Variants in ADGRL4 observed in about 807,000 individuals in gnomAD.
The protein encoded by ADGRL4 is adhesion G protein-coupled receptor L4, also known as EGF, latrophilin and seven transmembrane domain containing 1.
In ADGRL4, 90 loss-of-function variants were observed where a neutral mutation model predicts 74.8. That is an observed-to-expected ratio of 1.20 (90% CI 1.02 to 1.43). ADGRL4 has a LOEUF of 1.43. ADGRL4 is among the 40% of genes most tolerant of loss of function. ADGRL4 has a pLI of 0.00. For missense variants in ADGRL4, 881 were observed against 814.3 expected (o/e 1.08, Z -1.00); for synonymous variants, 311 against 279.2 (o/e 1.11, Z -1.14).
Position 79,005,115 on chromosome 1 carries a change from A to G in ADGRL4, c.127T>C (p.Tyr43His). 6.2e-7 allele frequency: 1 copy of G among 1,612,938 alleles called. No individual in the cohort carries two copies. Among genetic ancestry groups the G allele is most frequent in the Non-Finnish European group, 8.5e-7 (1 of 1,179,612 alleles). ...TTTCCTGAAAATCCCATGTTGCAAT[A>G]GCAGGCTTCAATTCCATTGCGTATT... is the stretch of plus-strand genomic sequence containing the variant. ...CEIRNGIEAC[Y>H]CNMGFSGNGV... Residue 43 changes from tyrosine to histidine, a missense_variant, in exon 2 of 15, where the codon TAT (tyrosine) becomes CAT (histidine). Tyr to His is a moderately conservative substitution (Grantham distance 83). Coordinates refer to ENST00000370742, the MANE Select transcript of ADGRL4 (RefSeq NM_022159.4).
intron 2 of ADGRL4, among the ~76,000 whole-genome samples, chr1:78,965,476 A>C (rs1272956302): frequency 6.6e-6 from 1 of 152,194 alleles, no homozygotes; most frequent in Non-Finnish European, 1.5e-5. Flanking sequence ...TAATTTAAAA[A>C]AAGAAAAAAT....
intron 2 of ADGRL4, among the ~76,000 whole-genome samples, chr1:78,946,657 C>T (rs1222498754): frequency 2.0e-5 from 3 of 152,034 alleles, no homozygotes; most frequent in Admixed American, 6.6e-5. Context: ...TTTAAAAGCA[C>T]TAGATATAAC....
At chr1:78,977,099 A>C (rs1650301380) in intron 2 of ADGRL4, among the ~76,000 whole-genome samples, 1 of 151,718 alleles carries the variant, frequency 6.6e-6, no homozygotes, top group Non-Finnish European at 1.5e-5. Context: ...GTGTTAGCAT[A>C]AAAGTTAAAT....
Position 78,917,795 on chromosome 1 carries a change from G to A in ADGRL4, c.1682+35C>T, listed in dbSNP as rs186460970. ...AGAAATGCAAAGCACATTCAAAATC[G>A]TATTTCAAATGCTCATGAAATCATT... On this transcript the variant is annotated intron_variant, in intron 11 of 14. Coordinates refer to ENST00000370742, the MANE Select transcript of ADGRL4 (RefSeq NM_022159.4). The A allele has an allele frequency of 5.0e-4, 798 of 1,594,308 alleles. 4 individuals carry two copies. In the African/African-American group the frequency reaches 8.4e-3, roughly 17 times the overall value.
chr1:78,997,231 A>G (rs142688077), intron 2 of ADGRL4, among the ~76,000 whole-genome samples: 2,400 of 152,272 alleles, frequency 0.016, 63 homozygotes, highest in African/African-American at 0.055. Flanking sequence ...GAGGTGATAC[A>G]CTCAAGAATA....
At chr1:78,892,515 C>T (rs1648302544) in intron 13 of ADGRL4, among the ~76,000 whole-genome samples, 1 of 152,052 alleles carries the variant, frequency 6.6e-6, no homozygotes, top group Admixed American at 6.6e-5. Flanking sequence ...AAAACCAGTA[C>T]ACTACATGAA....
chr1:79,001,630 A>G (rs1333911664), intron 2 of ADGRL4, among the ~76,000 whole-genome samples: 1 of 152,152 alleles, frequency 6.6e-6, no homozygotes, highest in African/African-American at 2.4e-5. Flanking sequence ...CTCAGTGAAT[A>G]AATAGACTAA....
intron 2 of ADGRL4, among the ~76,000 whole-genome samples, chr1:78,992,543 A>G (rs1650626599): frequency 6.6e-6 from 1 of 152,088 alleles, no homozygotes; most frequent in Non-Finnish European, 1.5e-5. Context: ...CCTATAGTCC[A>G]ACAGCCATGA....
At chr1:78,901,573 G>T (rs1210113424) in intron 12 of ADGRL4, among the ~76,000 whole-genome samples, 1 of 152,150 alleles carries the variant, frequency 6.6e-6, no homozygotes, top group Non-Finnish European at 1.5e-5. Context: ...AGAAGCAGTG[G>T]ATTGAGCCAG....
intron 2 of ADGRL4, among the ~76,000 whole-genome samples, chr1:78,952,253 C>CT (rs1649744939): frequency 1.3e-5 from 2 of 148,960 alleles, no homozygotes; most frequent in South Asian, 4.3e-4. Context: ...AACTTGAACA[C>CT]TAAAATGACT....
At chr1:78,970,876 G>T (rs1333740541) in intron 2 of ADGRL4, among the ~76,000 whole-genome samples, 1 of 152,150 alleles carries the variant, frequency 6.6e-6, no homozygotes, top group Admixed American at 6.5e-5. Context: ...GTTTAGGATT[G>T]GGCTCAGGGG....
chr1:78,914,971 G>T (rs966710015), intron 12 of ADGRL4, among the ~76,000 whole-genome samples: 9 of 151,978 alleles, frequency 5.9e-5, no homozygotes, highest in African/African-American at 2.2e-4. Context: ...TTTACTTGGT[G>T]ATCACAGTAT....
chr1:79,002,480 C>CA (rs1441212605), intron 2 of ADGRL4, among the ~76,000 whole-genome samples: 1 of 151,964 alleles, frequency 6.6e-6, no homozygotes, highest in Non-Finnish European at 1.5e-5. Flanking sequence ...GTTGAGAAGG[C>CA]AATGGGAATT....
At chr1:78,916,167 C>T (rs1648868809) in intron 12 of ADGRL4, among the ~76,000 whole-genome samples, 1 of 151,890 alleles carries the variant, frequency 6.6e-6, no homozygotes, top group Admixed American at 6.6e-5. Flanking sequence ...ATTAGCCTTA[C>T]ACAAGCAACT....
chr1:78,978,273 C>T (rs1003898218), intron 2 of ADGRL4, among the ~76,000 whole-genome samples: 2 of 151,820 alleles, frequency 1.3e-5, no homozygotes, highest in Non-Finnish European at 2.9e-5. Context: ...GAGAGACTCT[C>T]GGGAAATTTT....
At chr1:78,999,904 T>C (rs1165559555) in intron 2 of ADGRL4, among the ~76,000 whole-genome samples, 4 of 151,680 alleles carry the variant, frequency 2.6e-5, no homozygotes, top group Admixed American at 2.6e-4. Context: ...AAACAGAAAA[T>C]GGTATTCTTA....
rs1650966599 is a variant in ADGRL4 at position 79,006,570 on chromosome 1, C to T, written c.22+63G>A. ...TGTGAGCTCCACCTCTTAAAAAATC[C>T]AGTCCCCTACAAGGGATTGGTCCCT... On this transcript the variant is annotated intron_variant, in intron 1 of 14. Transcript: ENST00000370742. 2.6e-6 allele frequency: 4 copies of T among 1,527,054 alleles called. No homozygotes were observed. In the South Asian group the frequency reaches 3.6e-5, roughly 14 times the overall value. 94.6% of individuals were successfully genotyped at this position (1,527,054 alleles called of 1,614,324 possible). A position where few individuals can be genotyped will look rare whatever the true frequency, so the allele number is the denominator to read the frequency against.
chr1:78,941,829 C>A (rs1649488864), intron 3 of ADGRL4, among the ~76,000 whole-genome samples: 1 of 152,118 alleles, frequency 6.6e-6, no homozygotes, highest in Non-Finnish European at 1.5e-5. Context: ...TCCGGGATTG[C>A]TAATTAGAAG....
intron 2 of ADGRL4, among the ~76,000 whole-genome samples, chr1:78,993,969 G>A (rs1444476859): frequency 6.6e-6 from 1 of 152,128 alleles, no homozygotes; most frequent in African/African-American, 2.4e-5. Flanking sequence ...CCAAAAGAAA[G>A]TAGCAAAGCG....
Sources: allele counts gnomAD v4.1 joint callset (sites outside exome capture counted in the v4.1 genomes callset), GRCh38; gene constraint gnomAD v4.1.1; transcripts MANE v1.5; gene names NCBI Gene and HGNC (gene_info 2026-07-23, HGNC 2026-07-21).